The following SP100 variants were observed in gnomAD, a reference collection of about 807,000 sequenced individuals.
The protein encoded by SP100 is SP100 nuclear body protein, also known as nuclear autoantigen Sp-100.
Under a neutral mutation model 130.0 loss-of-function variants are expected in SP100, and 84 were observed. The observed-to-expected ratio is 0.65, with a 90% CI of 0.54 to 0.77. The LOEUF (loss-of-function observed/expected upper bound fraction) is 0.77, where lower values mean the gene tolerates loss of function less well. Ranked by LOEUF, SP100 falls within the 30% of genes least tolerant of loss-of-function variation. SP100 has a pLI of 0.00. For synonymous variants in SP100, 331 were observed against 351.7 expected (o/e 0.94, Z 0.66); for missense variants, 978 against 1,052.2 (o/e 0.93, Z 0.97).
chr2:230,529,189 G>C (rs1350034587), intron 24 of SP100, among the ~76,000 whole-genome samples: 2 of 152,144 alleles, frequency 1.3e-5, no homozygotes, highest in African/African-American at 4.8e-5. Flanking sequence ...AAAAATACTG[G>C]TAAACCAAAT....
chr2:230,443,986 A>T (rs2063578564), intron 3 of SP100, among the ~76,000 whole-genome samples, 192 bp from the exon 4 acceptor site: 1 of 152,216 alleles, frequency 6.6e-6, no homozygotes. Context: ...CAGGCTCATC[A>T]GTGGGCATTT....
Position 230,463,979 on chromosome 2 carries a change from T to C in SP100, c.1058-88T>C. 5 of 883,548 alleles carry C rather than the reference T, an allele frequency of 5.7e-6. No homozygotes were observed. The South Asian group carries it at 7.2e-5, about 13-fold the overall frequency. The allele number at this position is 883,548 out of a possible 1,614,324, so 54.7% of individuals were successfully genotyped here. A position where few individuals can be genotyped will look rare whatever the true frequency, so the allele number is the denominator to read the frequency against. On this transcript the variant is annotated intron_variant, in intron 10 of 28. Coordinates refer to ENST00000340126, the MANE Select transcript of SP100 (RefSeq NM_001080391.2). ...GGACTTGCACGGATTTTCAAGGTTT[T>C]CCAGGTTTTCTTATTAGGGAATTTC...
At chr2:230,491,327 C>T (rs1227717176) in intron 17 of SP100, among the ~76,000 whole-genome samples, 2 of 152,182 alleles carry the variant, frequency 1.3e-5, no homozygotes. Context: ...GGCTCAGGCC[C>T]AAGGACATCT....
At chr2:230,516,221 C>G (rs992670222) in intron 24 of SP100, 1 of 250,118 alleles carries the variant, frequency 4.0e-6, no homozygotes, top group African/African-American at 2.3e-5. Context: ...CTAGTCAAAG[C>G]CTTGGTAAAA....
intron 8 of SP100, among the ~76,000 whole-genome samples, chr2:230,458,471 T>C (rs915834857): frequency 6.6e-6 from 1 of 152,142 alleles, no homozygotes; most frequent in Admixed American, 6.5e-5. Flanking sequence ...AGTGGACTCA[T>C]GTAGTTCAAG....
chr2:230,469,196 T>C (rs2065140711), intron 14 of SP100, 100 bp downstream of exon 14: 2 of 763,858 alleles, frequency 2.6e-6, no homozygotes, highest in Non-Finnish European at 4.3e-6. Flanking sequence ...AAAAATTAAT[T>C]TGTTGGGATT....
At chr2:230,456,541 A>T (rs1250507379) in intron 8 of SP100, among the ~76,000 whole-genome samples, 1 of 152,102 alleles carries the variant, frequency 6.6e-6, no homozygotes, top group African/African-American at 2.4e-5. Context: ...AATTCCTGTG[A>T]TTCAAATATT....
At chr2:230,487,215 C>T (rs1353887541) in intron 17 of SP100, among the ~76,000 whole-genome samples, 1 of 152,174 alleles carries the variant, frequency 6.6e-6, no homozygotes, top group East Asian at 1.9e-4. Flanking sequence ...GTTGCAATTG[C>T]TTTTGGCATT....
At chr2:230,507,866 A>T in intron 22 of SP100, 127 bp from the exon 23 acceptor site, 2 of 810,202 alleles carry the variant, frequency 2.5e-6, no homozygotes, top group Non-Finnish European at 3.9e-6. Flanking sequence ...AATTTCCATG[A>T]AAATACCTTG....
chr2:230,427,070 T>G (rs1043050080), intron 2 of SP100, among the ~76,000 whole-genome samples: 3 of 152,194 alleles, frequency 2.0e-5, no homozygotes, highest in African/African-American at 7.2e-5. Context: ...TAGTCACCTC[T>G]GCTGTCTTTT....
chr2:230,488,454 C>T (rs752667054), intron 17 of SP100, among the ~76,000 whole-genome samples: 1 of 152,154 alleles, frequency 6.6e-6, no homozygotes, highest in Non-Finnish European at 1.5e-5. Context: ...CAGTCTGTTG[C>T]CCAGGCTGAA....
In SP100 at chr2:230,494,489, T is replaced by C. The variant is rs746760414; in HGVS notation, c.1645+29T>C. 6 of 1,553,496 alleles carry C rather than the reference T, an allele frequency of 3.9e-6. No homozygotes were observed. The African/African-American group carries it at 6.8e-5, about 18-fold the overall frequency. On this transcript the variant is annotated intron_variant, in intron 18 of 28. Coordinates refer to ENST00000340126, the MANE Select transcript of SP100 (RefSeq NM_001080391.2). ...AGAAGAAATGTGGGGATTTACTCCT[T>C]TGAACTCGCTGTGGTCCTGTTCTTC...
At chr2:230,457,013 A>G (rs2064307898) in intron 8 of SP100, among the ~76,000 whole-genome samples, 1 of 152,144 alleles carries the variant, frequency 6.6e-6, no homozygotes, top group African/African-American at 2.4e-5. Context: ...ATGTCTGTAC[A>G]TTTGAGAAAG....
intron 5 of SP100, among the ~76,000 whole-genome samples, chr2:230,448,462 A>G (rs1225620157): frequency 6.6e-6 from 1 of 152,218 alleles, no homozygotes; most frequent in East Asian, 1.9e-4. Context: ...GAGTTTACAT[A>G]GGGTCAGATG....
At chr2:230,512,276 CTTTTTTTTTTTTTTTT>C (rs34753799) in intron 24 of SP100, among the ~76,000 whole-genome samples, 2 of 76,068 alleles carry the variant, frequency 2.6e-5, no homozygotes, top group African/African-American at 5.0e-5. Flanking sequence ...ATTGAAATGC[CTTTTTTTTTTTTTTTT>C]TTTTTTTTTT....
At chr2:230,501,554 A>G (rs867809890) in intron 19 of SP100, among the ~76,000 whole-genome samples, 3 of 152,214 alleles carry the variant, frequency 2.0e-5, no homozygotes, top group South Asian at 4.1e-4. Context: ...AGTGTCATCA[A>G]TCCCAAGGTT....
intron 19 of SP100, among the ~76,000 whole-genome samples, chr2:230,498,960 A>T (rs1336299268): frequency 6.6e-6 from 1 of 152,210 alleles, no homozygotes; most frequent in Non-Finnish European, 1.5e-5. Context: ...AGTGAAATTA[A>T]GTCAGTTAGA....
chr2:230,439,797 G>A (rs1454921402), intron 2 of SP100, among the ~76,000 whole-genome samples: 3 of 151,992 alleles, frequency 2.0e-5, no homozygotes, highest in African/African-American at 4.8e-5. Context: ...CCTCTTTACC[G>A]ATTAGGATGC....
chr2:230,508,180 T>C (rs1690265710), intron 23 of SP100, 149 bp downstream of exon 23: 1 of 1,358,578 alleles, frequency 7.4e-7, no homozygotes, highest in South Asian at 1.5e-5. Flanking sequence ...TCAAACATTA[T>C]TCAATGTATA....
Sources: gnomAD v4.1 joint callset for allele counts (sites outside exome capture counted in the v4.1 genomes callset) on GRCh38, gnomAD v4.1.1 for gene constraint, MANE v1.5 for transcripts, NCBI Gene and HGNC (gene_info 2026-07-23, HGNC 2026-07-21) for gene names.